Variants in KCNQ1 observed in about 807,000 individuals in gnomAD.
KCNQ1 encodes potassium voltage-gated channel subfamily KQT member 1.
In KCNQ1, 49 loss-of-function variants were observed where a neutral mutation model predicts 72.4. The observed-to-expected ratio is 0.68, with a 90% CI of 0.54 to 0.86. KCNQ1 has a LOEUF of 0.86. Among genes scored for constraint, KCNQ1 ranks in the 40% least tolerant of loss-of-function variants. The probability of loss-of-function intolerance (pLI) is 0.00; values close to 1 mark genes in which losing one functional copy is unlikely to be tolerated. For synonymous variants in KCNQ1, 450 were observed against 412.6 expected, an observed-to-expected ratio of 1.09 and a Z score of -1.10; for missense variants, 790 against 945.1, an observed-to-expected ratio of 0.84 and a Z score of 2.15.
At chr11:2,590,169 C>T (rs985852638) in intron 10 of KCNQ1, among the ~76,000 whole-genome samples, 9 of 152,330 alleles carry the variant, frequency 5.9e-5, no homozygotes, top group African/African-American at 1.7e-4. Flanking sequence ...TTTGAGATAG[C>T]TGTGCTGCCA....
chr11:2,496,110 T>C (rs12574553), intron 1 of KCNQ1, among the ~76,000 whole-genome samples: 77,058 of 151,916 alleles, frequency 0.51, 22,150 homozygotes, highest in Non-Finnish European at 0.64. Flanking sequence ...TGTCTTTTTT[T>C]ATCTTTCTTA....
intron 1 of KCNQ1, among the ~76,000 whole-genome samples, chr11:2,521,788 G>A (rs1017971423): frequency 1.3e-5 from 2 of 152,244 alleles, no homozygotes; most frequent in African/African-American, 4.8e-5. Flanking sequence ...CCAGAGTCCC[G>A]GCACAGCCCC....
Position 2,547,628 on chromosome 11 carries a change from C to T in KCNQ1, c.477+19610C>T, listed in dbSNP as rs1464811176. ...TTTAACCCTTTACTGTCTGGCTTAC[C>T]GTTTTTATTAATCTGCCTTAACTTC... On this transcript the variant is annotated intron_variant, in intron 2 of 15. Coordinates refer to ENST00000155840, the MANE Select transcript of KCNQ1 (RefSeq NM_000218.3). This position sits in a 1 kb window ranked among gnomAD's most constrained non-coding sequence, Gnocchi z 4.2. 2.0e-5 allele frequency among the ~76,000 whole-genome samples: 3 copies of T among 152,308 alleles called. No homozygotes were observed. Among genetic ancestry groups the T allele is most frequent in the East Asian group, 1.9e-4 (1 of 5,190 alleles).
chr11:2,587,621 A>C lies in KCNQ1; in HGVS notation c.1180A>C (p.Ile394Leu), dbSNP rs1466341284. 1.2e-6 allele frequency: 2 copies of C among 1,613,822 alleles called. No individual in the cohort carries two copies. Among genetic ancestry groups the C allele is most frequent in the African/African-American group, 2.7e-5 (2 of 74,926 alleles). Reference protein sequence around the residue: ...AENPDSSTWKIYIRKAPRSHT... With the variant: ...AENPDSSTWKLYIRKAPRSHT... ...GAACCCCGACTCCTCCACCTGGAAG[A>C]TCTACATCCGGAAGGCCCCCCGGAG... Residue 394 changes from isoleucine to leucine, a missense_variant, in exon 9 of 16, where the codon ATC (isoleucine) becomes CTC (leucine). Around this residue, in one of 5 missense-constraint regions of KCNQ1, gnomAD observed 178 missense variants for 177.9 expected, o/e 1.00. Coordinates refer to ENST00000155840, the MANE Select transcript of KCNQ1 (RefSeq NM_000218.3).
chr11:2,713,127 G>A lies in KCNQ1; in HGVS notation c.1514+51046G>A, dbSNP rs1197978363. Among the ~76,000 whole-genome samples the A allele has an allele frequency of 6.6e-6, 1 of 152,176 alleles. No homozygotes were observed. The highest frequency in any genetic ancestry group is 2.4e-5 in the African/African-American group (1 of 41,424). On this transcript the variant is annotated intron_variant, in intron 11 of 15. Transcript: ENST00000155840. The surrounding 1 kb of genome is among the most constrained non-coding windows in gnomAD (Gnocchi z 5.6). ...GGGGATTTTACATTAGGGTTAATGA[G>A]CCTCTGAAATGAGATCCCGGAGAGG... is the stretch of plus-strand genomic sequence containing the variant.
chr11:2,713,975 G>T lies in KCNQ1; in HGVS notation c.1514+51894G>T, dbSNP rs1446739734. ...GTTCCTGCTAACTCAGGGAGCTCCAGGTGGCTGCCACTCAGGGGTGTGTGG... is the reference window on the plus strand; with the variant it reads ...GTTCCTGCTAACTCAGGGAGCTCCATGTGGCTGCCACTCAGGGGTGTGTGG... On this transcript the variant is annotated intron_variant, in intron 11 of 15. Coordinates refer to ENST00000155840, the MANE Select transcript of KCNQ1 (RefSeq NM_000218.3). This position sits in a 1 kb window ranked among gnomAD's most constrained non-coding sequence, Gnocchi z 5.6. Among the ~76,000 whole-genome samples, 1 of 152,246 alleles carries T rather than the reference G, an allele frequency of 6.6e-6. No homozygotes were observed. Among genetic ancestry groups the T allele is most frequent in the Non-Finnish European group, 1.5e-5 (1 of 68,042 alleles).
At chr11:2,812,580 G>T (rs760336405) in intron 15 of KCNQ1, among the ~76,000 whole-genome samples, 2 of 152,168 alleles carry the variant, frequency 1.3e-5, no homozygotes, top group East Asian at 3.9e-4. Context: ...GGCCAGCCCC[G>T]TCCCCAGGGG....
At position 2,617,413 on chromosome 11, in the gene KCNQ1, T is replaced by A. The variant is rs1433727367; in HGVS notation, c.1393+28559T>A. 1.0e-5 allele frequency: 4 copies of A among 398,368 alleles called. No homozygotes were observed. Among genetic ancestry groups the A allele is most frequent in the Non-Finnish European group, 1.8e-5 (4 of 225,962 alleles). The allele number at this position is 398,368 out of a possible 1,614,324, so 24.7% of individuals were successfully genotyped here. A position where few individuals can be genotyped will look rare whatever the true frequency, so the allele number is the denominator to read the frequency against. On this transcript the variant is annotated intron_variant, in intron 10 of 15. Transcript: ENST00000155840. This position sits in a 1 kb window ranked among gnomAD's most constrained non-coding sequence, Gnocchi z 4.6. ...TGGCAAGTGGCAGGATCTCCTTTTTTAATGCGGAATAATATTCCATTGTAG... is the reference window on the plus strand; with the variant it reads ...TGGCAAGTGGCAGGATCTCCTTTTTAAATGCGGAATAATATTCCATTGTAG...
intron 15 of KCNQ1, among the ~76,000 whole-genome samples, chr11:2,804,700 A>C (rs1030128491): frequency 1.6e-4 from 24 of 151,508 alleles, no homozygotes; most frequent in African/African-American, 4.7e-4. Context: ...CATTCTCCAC[A>C]CTCTCCTGGC....
In KCNQ1 at chr11:2,601,302, A is replaced by G. The variant is rs1431139319; in HGVS notation, c.1393+12448A>G. Among the ~76,000 whole-genome samples the G allele has an allele frequency of 2.6e-5, 4 of 152,176 alleles. No homozygotes were observed. The highest frequency in any genetic ancestry group is 5.9e-5 in the Non-Finnish European group (4 of 68,028). On this transcript the variant is annotated intron_variant, in intron 10 of 15. Coordinates refer to ENST00000155840, the MANE Select transcript of KCNQ1 (RefSeq NM_000218.3). This position sits in a 1 kb window ranked among gnomAD's most constrained non-coding sequence, Gnocchi z 5.2. The stretch of plus-strand genomic sequence containing the variant: ...CATTTTTCCACGTGCCTAGTGCCCA[A>G]TTGTGTATCTTCTTTAGTGAAATAT...
At chr11:2,517,435 T>G (rs931647564) in intron 1 of KCNQ1, among the ~76,000 whole-genome samples, 1 of 152,014 alleles carries the variant, frequency 6.6e-6, no homozygotes, top group African/African-American at 2.4e-5. Context: ...ACGGGTTGGA[T>G]TTGGGGCGCG....
chr11:2,799,238 C>T (rs559631438), intron 15 of KCNQ1, among the ~76,000 whole-genome samples: 63 of 152,320 alleles, frequency 4.1e-4, no homozygotes, highest in Non-Finnish European at 6.8e-4. Flanking sequence ...GGCCGGACCA[C>T]GGGGGCGGTG....
At chr11:2,834,344 C>A (rs1314533257) in intron 15 of KCNQ1, among the ~76,000 whole-genome samples, 1 of 152,042 alleles carries the variant, frequency 6.6e-6, no homozygotes, top group Admixed American at 6.6e-5. Context: ...CATGCACTGG[C>A]TGGGGAGGGT....
In KCNQ1 at chr11:2,475,766, T is replaced by C. The variant is rs1330926751; in HGVS notation, c.386+30282T>C. Among the ~76,000 whole-genome samples the C allele has an allele frequency of 2.6e-5, 4 of 152,220 alleles. No homozygotes were observed. The highest frequency in any genetic ancestry group is 9.6e-5 in the African/African-American group (4 of 41,456). Reference sequence around the variant, plus strand: ...CTTTCCTGTGCTGTTCTCGTAATAGTGAATACGTCTCATAAGATCTGATGG... The same window carrying C: ...CTTTCCTGTGCTGTTCTCGTAATAGCGAATACGTCTCATAAGATCTGATGG... On this transcript the variant is annotated intron_variant, in intron 1 of 15. Coordinates refer to ENST00000155840, the MANE Select transcript of KCNQ1 (RefSeq NM_000218.3). This position sits in a 1 kb window ranked among gnomAD's most constrained non-coding sequence, Gnocchi z 5.8.
chr11:2,674,278 T>G lies in KCNQ1; in HGVS notation c.1514+12197T>G, dbSNP rs1205256358. ...CTCTCCCAGCCCCCGGCACACACAC[T>G]AGGACCTTTCTTCATCATGCAGCCG... On this transcript the variant is annotated intron_variant, in intron 11 of 15. Transcript: ENST00000155840. This position sits in a 1 kb window ranked among gnomAD's most constrained non-coding sequence, Gnocchi z 5.9. The G allele has an allele frequency of 2.5e-6, 1 of 398,550 alleles. No homozygotes were observed. Among genetic ancestry groups the G allele is most frequent in the Non-Finnish European group, 4.4e-6 (1 of 226,120 alleles). 24.7% of individuals were successfully genotyped at this position (398,550 alleles called of 1,614,324 possible). A position where few individuals can be genotyped will look rare whatever the true frequency, so the allele number is the denominator to read the frequency against.
At chr11:2,841,130 T>C (rs1564913306) in intron 15 of KCNQ1, among the ~76,000 whole-genome samples, 1 of 151,978 alleles carries the variant, frequency 6.6e-6, no homozygotes, top group Admixed American at 6.5e-5. Flanking sequence ...TGGGGAGAGA[T>C]GAGACGAGGA....
chr11:2,476,575 T>G (rs1228358404), intron 1 of KCNQ1, among the ~76,000 whole-genome samples: 1 of 152,226 alleles, frequency 6.6e-6, no homozygotes, highest in Non-Finnish European at 1.5e-5. Flanking sequence ...GGGAGGTGAT[T>G]CTTGGTTCTT....
In KCNQ1 at chr11:2,563,183, C is replaced by T. The variant is rs547893246; in HGVS notation, c.478-7445C>T. 8.5e-5 allele frequency among the ~76,000 whole-genome samples: 13 copies of T among 152,214 alleles called. No homozygotes were observed. The highest frequency in any genetic ancestry group is 3.1e-4 in the African/African-American group (13 of 41,528). ...GCATGGAACTTCAAAACACATTGAA[C>T]CCCAGAAAATCTTCGCTATGTTGGA... is the stretch of plus-strand genomic sequence containing the variant. On this transcript the variant is annotated intron_variant, in intron 2 of 15. Transcript: ENST00000155840. This position sits in a 1 kb window ranked among gnomAD's most constrained non-coding sequence, Gnocchi z 7.4.
chr11:2,579,560 A>G lies in KCNQ1; in HGVS notation c.922-3875A>G, dbSNP rs1848469227. 6.6e-6 allele frequency among the ~76,000 whole-genome samples: 1 copy of G among 152,184 alleles called. No homozygotes were observed. The highest frequency in any genetic ancestry group is 1.5e-5 in the Non-Finnish European group (1 of 68,030). On this transcript the variant is annotated intron_variant, in intron 6 of 15. Transcript: ENST00000155840. This position sits in a 1 kb window ranked among gnomAD's most constrained non-coding sequence, Gnocchi z 6.0. ...CTGCCTGTGTCTGAATGCAGGAAAA[A>G]CAAACAGGTCTGCAGGGAGGGGCCG...
Sources: gnomAD v4.1 joint callset for allele counts (sites outside exome capture counted in the v4.1 genomes callset) on GRCh38, gnomAD v4.1.1 for gene constraint, gnomAD v4.1.1 regional missense constraint, Gnocchi (gnomAD v3.1) non-coding constraint, MANE v1.5 for transcripts, NCBI Gene and HGNC (gene_info 2026-07-23, HGNC 2026-07-21) for gene names.